Variants in IFT122 observed in about 807,000 individuals in gnomAD.
The protein encoded by IFT122 is intraflagellar transport 122.
A neutral mutation model predicts 161.6 loss-of-function variants in IFT122; 118 were observed. The ratio of observed to expected loss-of-function variants is 0.73; its 90% CI spans 0.63 to 0.85. The LOEUF is 0.85. Ranked by LOEUF, IFT122 falls within the 40% of genes least tolerant of loss-of-function variation. The pLI is 0.00. For missense variants in IFT122, 1,381 were observed against 1,579.6 expected (o/e 0.87, Z 2.13); for synonymous variants, 550 against 602.4 (o/e 0.91, Z 1.27).
intron 18 of IFT122, among the ~76,000 whole-genome samples, chr3:129,497,833 T>A (rs2081067335): frequency 6.6e-6 from 1 of 152,192 alleles, no homozygotes. Flanking sequence ...TGGCATATTT[T>A]TGTTTACTTG....
intron 12 of IFT122, among the ~76,000 whole-genome samples, chr3:129,479,476 A>G (rs895507035): frequency 1.3e-5 from 2 of 152,010 alleles, no homozygotes; most frequent in Non-Finnish European, 2.9e-5. Context: ...TAGAACTCCA[A>G]GCGGTTTAGG....
At chr3:129,460,724 A>G in intron 4 of IFT122, 2 of 769,254 alleles carry the variant, frequency 2.6e-6, no homozygotes, top group Non-Finnish European at 2.3e-6. Flanking sequence ...TTTTGAAGGA[A>G]TGAATGAATG....
intron 18 of IFT122, among the ~76,000 whole-genome samples, chr3:129,496,464 T>G (rs1403835973): frequency 6.6e-6 from 1 of 152,248 alleles, no homozygotes; most frequent in Non-Finnish European, 1.5e-5. Context: ...CAGTATGTTA[T>G]GAAGTGACTC....
At chr3:129,484,059 G>T (rs1156939805) in intron 15 of IFT122, among the ~76,000 whole-genome samples, 1 of 152,008 alleles carries the variant, frequency 6.6e-6, no homozygotes. Context: ...TGGTGGTGAT[G>T]TGTGTGTGAG....
chr3:129,454,007 C>CA (rs1359509642), intron 3 of IFT122, among the ~76,000 whole-genome samples: 1 of 152,080 alleles, frequency 6.6e-6, no homozygotes, highest in African/African-American at 2.4e-5. Flanking sequence ...GCCAAGAAGT[C>CA]ACAAAATTGT....
intron 26 of IFT122, among the ~76,000 whole-genome samples, chr3:129,515,846 A>G (rs1446065150): frequency 6.6e-6 from 1 of 152,190 alleles, no homozygotes; most frequent in Non-Finnish European, 1.5e-5. Context: ...AGGGCTTTAC[A>G]TAACCAAATG....
rs1219011663 is a variant in IFT122 at position 129,519,635 on chromosome 3, A to G, written c.3539A>G (p.Asp1180Gly). Residue 1180 changes from aspartate to glycine, a missense_variant, in exon 29 of 30, where the codon GAT (aspartate) becomes GGT (glycine). Around this residue, in one of 7 missense-constraint regions of IFT122, gnomAD observed 177 missense variants for 199.2 expected, o/e 0.89. Transcript: ENST00000348417. The stretch of plus-strand genomic sequence containing the variant: ...GTGCTGCGCTCCATGAGCCGCCGGG[A>G]TGTCCTCATCAAGCGATGGCCCCCA... ...RLVLRSMSRRDVLIKRWPPPL... is the reference protein window; with the variant it reads ...RLVLRSMSRRGVLIKRWPPPL... The G allele has an allele frequency of 6.2e-7, 1 of 1,613,456 alleles. No individual in the cohort carries two copies. The highest frequency in any genetic ancestry group is 1.3e-5 in the African/African-American group (1 of 74,862).
At chr3:129,509,069 C>A (rs1346875000) in intron 23 of IFT122, among the ~76,000 whole-genome samples, 1 of 152,180 alleles carries the variant, frequency 6.6e-6, no homozygotes, top group East Asian at 1.9e-4. Context: ...TGCTTTGGAG[C>A]TTTTTCTCAG....
intron 26 of IFT122, 30 bp from the exon 27 acceptor site, chr3:129,517,438 GC>G: frequency 6.2e-7 from 1 of 1,611,426 alleles, no homozygotes; most frequent in Non-Finnish European, 8.5e-7. Flanking sequence ...AAGGCCTCCA[GC>G]CCCCTCAGCC....
chr3:129,515,977 G>A (rs1160361224), intron 26 of IFT122, among the ~76,000 whole-genome samples: 4 of 151,910 alleles, frequency 2.6e-5, no homozygotes, highest in Admixed American at 6.6e-5. Context: ...CTGAGCAGAG[G>A]CCACACACAC....
chr3:129,472,816 T>A (rs143659394), intron 9 of IFT122, among the ~76,000 whole-genome samples: 61 of 152,336 alleles, frequency 4.0e-4, no homozygotes, highest in African/African-American at 1.4e-3. Context: ...TTTCTGTTGT[T>A]CAGTATTAAA....
At chr3:129,479,255 CAAAAA>C (rs547629384) in intron 12 of IFT122, among the ~76,000 whole-genome samples, 4 of 81,416 alleles carry the variant, frequency 4.9e-5, no homozygotes, top group Admixed American at 1.4e-4. Flanking sequence ...CCATCTCCAC[CAAAAA>C]AAAAAAAAAA....
At chr3:129,512,952 C>A in intron 24 of IFT122, 1 of 165,206 alleles carries the variant, frequency 6.1e-6, no homozygotes, top group Non-Finnish European at 1.3e-5. Flanking sequence ...GGAAGTTTAC[C>A]TGGAGGAGGA....
At chr3:129,464,844 C>T in intron 7 of IFT122, 63 bp downstream of exon 7, 2 of 1,559,310 alleles carry the variant, frequency 1.3e-6, no homozygotes, top group African/African-American at 1.4e-5. Context: ...TTTTTGTCTT[C>T]CTGAGGTCTC....
intron 14 of IFT122, among the ~76,000 whole-genome samples, 169 bp from the exon 15 acceptor site, chr3:129,483,316 C>A (rs1332297545): frequency 6.6e-6 from 1 of 152,024 alleles, no homozygotes; most frequent in East Asian, 1.9e-4. Flanking sequence ...CTGTTCATTT[C>A]TCTTGCCTCT....
At chr3:129,481,375 C>A (rs568668865) in intron 13 of IFT122, 155 bp from the exon 14 acceptor site, 6 of 731,622 alleles carry the variant, frequency 8.2e-6, no homozygotes, top group Admixed American at 4.1e-5. Context: ...CCCCACCCCC[C>A]TCTTTCTTTT....
intron 3 of IFT122, among the ~76,000 whole-genome samples, chr3:129,455,661 A>C (rs943135355): frequency 6.6e-6 from 1 of 152,158 alleles, no homozygotes; most frequent in Non-Finnish European, 1.5e-5. Context: ...AAAAATCTGC[A>C]TGTAATTTCT....
chr3:129,453,087 A>G (rs1486132316), intron 3 of IFT122, among the ~76,000 whole-genome samples: 1 of 152,190 alleles, frequency 6.6e-6, no homozygotes, highest in East Asian at 1.9e-4. Context: ...TCAGTTTTAT[A>G]CATGCTGAAT....
chr3:129,450,066 C>G, intron 2 of IFT122, 129 bp downstream of exon 2: 1 of 709,906 alleles, frequency 1.4e-6, no homozygotes. Flanking sequence ...TTCCCTATTA[C>G]TTTTTAATAG....
Sources: gnomAD v4.1 joint callset for allele counts (sites outside exome capture counted in the v4.1 genomes callset) on GRCh38, gnomAD v4.1.1 for gene constraint, gnomAD v4.1.1 regional missense constraint, MANE v1.5 for transcripts, NCBI Gene and HGNC (gene_info 2026-07-23, HGNC 2026-07-21) for gene names.